The following CHAF1A variants were observed in gnomAD, a reference collection of about 807,000 sequenced individuals.
CHAF1A encodes the protein chromatin assembly factor 1 subunit A.
A neutral mutation model predicts 93.2 loss-of-function variants in CHAF1A; 5 were observed. The observed-to-expected ratio is 0.05, with a 90% CI of 0.03 to 0.11. CHAF1A has a LOEUF of 0.11. Among genes scored for constraint, CHAF1A ranks in the 10% least tolerant of loss-of-function variants. CHAF1A has a pLI of 1.00. For missense variants in CHAF1A, 1,102 were observed against 1,259.9 expected (o/e 0.87, Z 1.90); for synonymous variants, 504 against 510.3 (o/e 0.99, Z 0.17).
rs889946649 is a variant in CHAF1A, at chr19:4,433,004, G to A, written c.2204-66G>A. 1.2e-5 allele frequency: 16 copies of A among 1,319,266 alleles called. No individual in the cohort carries two copies. In the African/African-American group the frequency reaches 2.1e-4, roughly 17 times the overall value. 81.7% of individuals were successfully genotyped at this position (1,319,266 alleles called of 1,614,324 possible). A position where few individuals can be genotyped will look rare whatever the true frequency, so the allele number is the denominator to read the frequency against. ...GGCAATGAGCTTGTGTATGTGTTTTGTTTTTTGGCCTGTGGTGATGGGTGG... is the reference window on the plus strand; with the variant it reads ...GGCAATGAGCTTGTGTATGTGTTTTATTTTTTGGCCTGTGGTGATGGGTGG... On this transcript the variant is annotated intron_variant, in intron 12 of 14. Coordinates refer to ENST00000301280, the MANE Select transcript of CHAF1A (RefSeq NM_005483.3). The surrounding 1 kb of genome is among the most constrained non-coding windows in gnomAD (Gnocchi z 5.6).
At chr19:4,427,808 G>A (rs1411788973) in intron 7 of CHAF1A, among the ~76,000 whole-genome samples, 3 of 152,132 alleles carry the variant, frequency 2.0e-5, no homozygotes, top group African/African-American at 4.8e-5. Context: ...GGCTGGTCTC[G>A]AACTCCTGAG....
At chr19:4,421,186 C>T (rs1283500324) in intron 4 of CHAF1A, among the ~76,000 whole-genome samples, 1 of 152,168 alleles carries the variant, frequency 6.6e-6, no homozygotes, top group Non-Finnish European at 1.5e-5. Context: ...ATCCTTGTGC[C>T]TCAGACTCCT....
At chr19:4,423,223 A>G in intron 5 of CHAF1A, 112 bp from the exon 6 acceptor site, 2 of 1,463,688 alleles carry the variant, frequency 1.4e-6, no homozygotes, top group Non-Finnish European at 1.8e-6. Context: ...AAAATAACTT[A>G]TATTCATTTA....
At chr19:4,441,856 C>T (rs1974396467) in intron 13 of CHAF1A, among the ~76,000 whole-genome samples, 1 of 152,154 alleles carries the variant, frequency 6.6e-6, no homozygotes, top group Admixed American at 6.5e-5. Flanking sequence ...CGAGATCGCG[C>T]CACTGCACTC....
At chr19:4,436,345 C>G (rs562975133) in intron 13 of CHAF1A, among the ~76,000 whole-genome samples, 1 of 152,276 alleles carries the variant, frequency 6.6e-6, no homozygotes, top group African/African-American at 2.4e-5. Flanking sequence ...GTTCCTGGCA[C>G]TCCCTAGAGC....
chr19:4,450,601 A>G, the CHAF1A span: 2 of 151,966 alleles, frequency 1.3e-5, no homozygotes, highest in Non-Finnish European at 2.9e-5. Context: ...TACTAAAAAT[A>G]CAAAGAATCA....
intron 9 of CHAF1A, 35 bp downstream of exon 9, chr19:4,429,641 C>T: frequency 1.9e-6 from 3 of 1,614,048 alleles, no homozygotes; most frequent in African/African-American, 2.7e-5. Context: ...GTCCCCGTAC[C>T]TCCTCACTGT....
intron 13 of CHAF1A, among the ~76,000 whole-genome samples, chr19:4,435,107 T>G (rs1183721282): frequency 6.9e-6 from 1 of 144,730 alleles, no homozygotes; most frequent in African/African-American, 2.6e-5. Flanking sequence ...TTTTTTTTTT[T>G]TTTGAGACAG....
chr19:4,430,113 T>C (rs749573577), intron 10 of CHAF1A: 52 of 377,350 alleles, frequency 1.4e-4, no homozygotes, highest in Non-Finnish European at 2.2e-4. Context: ...TGTGACCTAG[T>C]GGGCTTTCTG....
chr19:4,436,865 A>T (rs561735247), intron 13 of CHAF1A, among the ~76,000 whole-genome samples: 3 of 152,154 alleles, frequency 2.0e-5, no homozygotes, highest in Non-Finnish European at 4.4e-5. Flanking sequence ...CCACCCGGAA[A>T]ATAGCGCCCT....
chr19:4,432,153 G>A lies in CHAF1A; in HGVS notation c.2149G>A (p.Ala717Thr). Residue 717 changes from alanine to threonine, a missense_variant, in exon 12 of 15, where the codon GCC (alanine) becomes ACC (threonine). Around this residue, in one of 6 missense-constraint regions of CHAF1A, gnomAD observed 335 missense variants for 361.9 expected, o/e 0.93. Transcript: ENST00000301280. ...FAACFLETLP[A>T]QEEQTPKASK... ...AGCCTGCTTCCTGGAGACCCTGCCGGCCCAGGAGGAGCAGACGCCCAAGGC... is the reference window on the plus strand; with the variant it reads ...AGCCTGCTTCCTGGAGACCCTGCCGACCCAGGAGGAGCAGACGCCCAAGGC... The A allele has an allele frequency of 6.2e-7, 1 of 1,612,590 alleles. No homozygotes were observed. Among genetic ancestry groups the A allele is most frequent in the Non-Finnish European group, 8.5e-7 (1 of 1,179,636 alleles).
chr19:4,448,482 G>T, downstream of CHAF1A: 2 of 1,301,568 alleles, frequency 1.5e-6, no homozygotes, highest in Non-Finnish European at 2.2e-6. Context: ...CCGCTGCCCA[G>T]GTAACAGGGG....
intron 7 of CHAF1A, among the ~76,000 whole-genome samples, chr19:4,426,952 C>A (rs1266894512): frequency 6.6e-6 from 1 of 151,280 alleles, no homozygotes; most frequent in South Asian, 2.1e-4. Flanking sequence ...ATTAGCCGGG[C>A]GTGGTGGTAG....
Position 4,402,706 on chromosome 19 carries a change from C to T in CHAF1A, c.-57C>T. 8.9e-7 allele frequency: 1 copy of T among 1,121,840 alleles called. No homozygotes were observed. The highest frequency in any genetic ancestry group is 4.4e-5 in the South Asian group (1 of 22,658). The allele number at this position is 1,121,840 out of a possible 1,614,324, so 69.5% of individuals were successfully genotyped here. On this transcript the variant is annotated 5_prime_UTR_variant, in exon 1 of 15. Coordinates refer to ENST00000301280, the MANE Select transcript of CHAF1A (RefSeq NM_005483.3). ...GCGGGAGGGCGAAGAGCAGCGGCCG[C>T]CTGAGGGGAGCCCGCGCCTCCGCCG... is the stretch of plus-strand genomic sequence containing the variant.
rs766427681 is a variant in CHAF1A, at chr19:4,423,345, G to C, written c.1258G>C (p.Glu420Gln). The C allele has an allele frequency of 6.2e-7, 1 of 1,614,038 alleles. No homozygotes were observed. Among genetic ancestry groups the C allele is most frequent in the South Asian group, 1.1e-5 (1 of 91,068 alleles). Residue 420 changes from glutamate (E) to glutamine (Q), a missense_variant, in exon 6 of 15, where the codon GAG becomes CAG. By Grantham distance (29) the Glu-to-Gln change is conservative. Around this residue, in one of 6 missense-constraint regions of CHAF1A, gnomAD observed 165 missense variants for 243.9 expected, o/e 0.68. Coordinates refer to ENST00000301280, the MANE Select transcript of CHAF1A (RefSeq NM_005483.3). ...TTTGCTGTCTCACAGGGCTAAACTT[G>C]AGGAAAAAAGGAAAAAGGAAGAAGA... ...ERQEALEAKLEEKRKKEEEKR... is the reference protein window; with the variant it reads ...ERQEALEAKLQEKRKKEEEKR...
At chr19:4,421,817 G>C (rs533665349) in intron 4 of CHAF1A, among the ~76,000 whole-genome samples, 1 of 152,006 alleles carries the variant, frequency 6.6e-6, no homozygotes, top group East Asian at 1.9e-4. Flanking sequence ...TTGACTGGAG[G>C]CTCCTCCTGG....
Position 4,433,449 on chromosome 19 carries a change from C to T in CHAF1A, c.2583C>T (p.Pro861=). ...EDSGSVPSTG[P]SQGTPISLKR... ...GTGGCAGCGTCCCCTCCACGGGGCCCAGCCAGGGCACTCCCATCTCGCTGA... is the reference window on the plus strand; with the variant it reads ...GTGGCAGCGTCCCCTCCACGGGGCCTAGCCAGGGCACTCCCATCTCGCTGA... Residue 861 remains proline (P), a synonymous_variant, in exon 13 of 15, where the codon CCC becomes CCT. Transcript: ENST00000301280. This position sits in a 1 kb window ranked among gnomAD's most constrained non-coding sequence, Gnocchi z 5.6. 6.2e-7 allele frequency: 1 copy of T among 1,606,364 alleles called. No homozygotes were observed. The highest frequency in any genetic ancestry group is 1.7e-5 in the Admixed American group (1 of 59,922).
intron 11 of CHAF1A, 79 bp from the exon 12 acceptor site, chr19:4,431,872 TG>T: frequency 1.3e-6 from 2 of 1,521,906 alleles, no homozygotes; most frequent in South Asian, 2.6e-5. Context: ...CCCAGCTGGC[TG>T]GGGACTGGTT....
At chr19:4,426,646 G>T (rs906621426) in intron 7 of CHAF1A, among the ~76,000 whole-genome samples, 4 of 151,546 alleles carry the variant, frequency 2.6e-5, no homozygotes, top group African/African-American at 9.7e-5. Flanking sequence ...AGCTAATTTT[G>T]TATTTTTAGT....
Sources: allele counts gnomAD v4.1 joint callset (sites outside exome capture counted in the v4.1 genomes callset), GRCh38; gene constraint gnomAD v4.1.1; regional missense constraint gnomAD v4.1.1; non-coding constraint Gnocchi (gnomAD v3.1); transcripts MANE v1.5; gene names NCBI Gene and HGNC (gene_info 2026-07-23, HGNC 2026-07-21).